The following DNAH3 variants were observed in gnomAD, a reference collection of about 807,000 sequenced individuals.
DNAH3 encodes the protein axonemal beta dynein heavy chain 3.
In DNAH3, 332 loss-of-function variants were observed where a neutral mutation model predicts 432.5. That is an observed-to-expected ratio of 0.77 (90% confidence interval 0.70 to 0.84). The LOEUF (loss-of-function observed/expected upper bound fraction) is 0.84, where lower values mean the gene tolerates loss of function less well. Among genes scored for constraint, DNAH3 ranks in the 40% least tolerant of loss-of-function variants. DNAH3 has a pLI of 0.00. For synonymous variants in DNAH3, 1,956 were observed against 1,900.2 expected (o/e 1.03, Z -0.76); for missense variants, 4,861 against 5,114.0 (o/e 0.95, Z 1.51).
intron 7 of DNAH3, among the ~76,000 whole-genome samples, chr16:21,133,375 A>AG (rs2092597098): frequency 6.8e-6 from 1 of 147,538 alleles, no homozygotes; most frequent in South Asian, 2.2e-4. Flanking sequence ...AAAAAAAAAA[A>AG]AAAAGGAATA....
rs867761174 is a variant in DNAH3, at chr16:20,944,682, G to A, written c.11344-19C>T. 3 of 1,613,526 alleles carry A rather than the reference G, an allele frequency of 1.9e-6. No homozygotes were observed. Among genetic ancestry groups the A allele is most frequent in the African/African-American group, 1.3e-5 (1 of 74,960 alleles). On this transcript the variant is annotated intron_variant, in intron 57 of 61. Coordinates refer to ENST00000261383, the Ensembl canonical transcript of DNAH3. Reference sequence around the variant, plus strand: ...TATAGGACTGGAAGGGAAATCTTCAGTTGAAATCAACGAGGGACCCCAGAA... The same window carrying A: ...TATAGGACTGGAAGGGAAATCTTCAATTGAAATCAACGAGGGACCCCAGAA...
At chr16:21,077,266 G>A (rs2091008336) in intron 20 of DNAH3, among the ~76,000 whole-genome samples, 1 of 152,014 alleles carries the variant, frequency 6.6e-6, no homozygotes, top group Non-Finnish European at 1.5e-5. Flanking sequence ...GGATTCAAGC[G>A]ATTCTCCTGC....
chr16:21,059,775 CAAA>C (rs1180684922), intron 26 of DNAH3, among the ~76,000 whole-genome samples: 4 of 95,410 alleles, frequency 4.2e-5, no homozygotes, highest in Non-Finnish European at 4.4e-5. Flanking sequence ...GACTCCATCT[CAAA>C]AAAAAAAAAA....
In DNAH3 at chr16:20,988,830, G is replaced by C. The variant is rs191658718; in HGVS notation, c.6602-765C>G. 4.5e-3 allele frequency among the ~76,000 whole-genome samples: 679 copies of C among 151,978 alleles called. 5 individuals carry two copies. Among genetic ancestry groups the C allele is most frequent in the African/African-American group, 0.015 (614 of 41,444 alleles). ...TCCTTCTGATGTTCGAATGTGTTCG[G>C]AGTTTTTTCCTTCTGGTGGGTTCGT... is the stretch of plus-strand genomic sequence containing the variant. On this transcript the variant is annotated intron_variant, in intron 44 of 61. Coordinates refer to ENST00000261383, the Ensembl canonical transcript of DNAH3.
intron 18 of DNAH3, among the ~76,000 whole-genome samples, chr16:21,095,063 C>T (rs1192786860): frequency 6.6e-6 from 1 of 152,150 alleles, no homozygotes; most frequent in Non-Finnish European, 1.5e-5. Context: ...TGAAAATGGA[C>T]TAATACACTG....
intron 21 of DNAH3, among the ~76,000 whole-genome samples, chr16:21,075,107 C>T (rs2152766877): frequency 6.6e-6 from 1 of 152,302 alleles, no homozygotes; most frequent in Non-Finnish European, 1.5e-5. Context: ...TAGTCATTGT[C>T]TGCCCCTGTG....
chr16:21,153,791 T>G (rs976187591), intron 1 of DNAH3, among the ~76,000 whole-genome samples: 2 of 152,310 alleles, frequency 1.3e-5, no homozygotes, highest in South Asian at 2.1e-4. Context: ...GCTTCATTCT[T>G]GAAGTCAGTG....
At chr16:21,000,030 G>T (rs1380989604) in intron 43 of DNAH3, among the ~76,000 whole-genome samples, 194 bp downstream of exon 43, 2 of 149,084 alleles carry the variant, frequency 1.3e-5, no homozygotes, top group Non-Finnish European at 3.0e-5. Context: ...AGAAGGAAAG[G>T]AGGGAGGGAG....
In DNAH3 at chr16:21,134,250, A is replaced by C; in HGVS notation, c.1082+9T>G. The C allele has an allele frequency of 1.9e-6, 3 of 1,601,230 alleles. No individual in the cohort carries two copies. The highest frequency in any genetic ancestry group is 8.5e-7 in the Non-Finnish European group (1 of 1,174,656). Reference sequence around the variant, plus strand: ...AAGGGAATGAAAAAAAAAGGGAGGGACTTCTTACTCTGCAAACCACAGTTC... The same window carrying C: ...AAGGGAATGAAAAAAAAAGGGAGGGCCTTCTTACTCTGCAAACCACAGTTC... On this transcript the variant is annotated intron_variant, in intron 7 of 61. Transcript: ENST00000261383.
chr16:21,094,964 A>T (rs2091636980), intron 18 of DNAH3, among the ~76,000 whole-genome samples: 1 of 152,126 alleles, frequency 6.6e-6, no homozygotes, highest in South Asian at 2.1e-4. Flanking sequence ...CATGGTTGTG[A>T]GGCCTCCCCA....
At chr16:20,990,350 T>C (rs1036245046) in intron 44 of DNAH3, among the ~76,000 whole-genome samples, 2 of 152,338 alleles carry the variant, frequency 1.3e-5, no homozygotes, top group African/African-American at 4.8e-5. Context: ...TTGTTAGATA[T>C]CTGTATTTAT....
intron 51 of DNAH3, among the ~76,000 whole-genome samples, chr16:20,971,286 G>A (rs2085331550): frequency 6.6e-6 from 1 of 151,980 alleles, no homozygotes; most frequent in Non-Finnish European, 1.5e-5. Flanking sequence ...GGCAAATTAG[G>A]ATCAAACAGA....
At chr16:20,963,803 CGTT>C in exon 53 of DNAH3, 10 of 1,613,968 alleles carry the variant, frequency 6.2e-6, no homozygotes, top group South Asian at 1.1e-5. Flanking sequence ...GAACGGCACA[CGTT>C]GTTGTAGATG....
chr16:21,088,902 G>A (rs1266637482), intron 18 of DNAH3, among the ~76,000 whole-genome samples: 1 of 152,196 alleles, frequency 6.6e-6, no homozygotes, highest in Non-Finnish European at 1.5e-5. Flanking sequence ...AAGAAGCAAT[G>A]TGAGGCCATG....
At chr16:21,120,694 T>A (rs948064180) in intron 11 of DNAH3, 9 of 1,427,440 alleles carry the variant, frequency 6.3e-6, no homozygotes, top group Non-Finnish European at 7.9e-6. Context: ...ACAAACCATG[T>A]CTTCTTGGCA....
chr16:20,998,161 T>G (rs1009950158), intron 43 of DNAH3, among the ~76,000 whole-genome samples: 58 of 152,242 alleles, frequency 3.8e-4, no homozygotes, highest in African/African-American at 1.3e-3. Context: ...TCCCAGCAAA[T>G]AGAGTATTTA....
At chr16:21,151,570 C>T (rs1386199053) in intron 1 of DNAH3, among the ~76,000 whole-genome samples, 1 of 152,086 alleles carries the variant, frequency 6.6e-6, no homozygotes, top group Non-Finnish European at 1.5e-5. Flanking sequence ...TGTGGGATTA[C>T]AGGTGTGAGC....
chr16:20,987,898 A>C (rs1250206234), intron 45 of DNAH3, 44 bp downstream of exon 45: 3 of 1,614,040 alleles, frequency 1.9e-6, no homozygotes, highest in East Asian at 4.5e-5. Context: ...CCAGAAACTG[A>C]GAACCCCCAG....
chr16:21,063,627 T>TGACCTCCAGGGCTCAAGCAATTCTCC (rs1305632814), intron 24 of DNAH3, among the ~76,000 whole-genome samples: 10 of 151,864 alleles, frequency 6.6e-5, no homozygotes, highest in Admixed American at 1.3e-4. Context: ...ACTACAGCCT[T>TGACCTCCAGGGCTCAAGCAATTCTCC]GACCTCCAGG....
Sources: allele counts gnomAD v4.1 joint callset (sites outside exome capture counted in the v4.1 genomes callset), GRCh38; gene constraint gnomAD v4.1.1; transcripts MANE v1.5; gene names NCBI Gene and HGNC (gene_info 2026-07-23, HGNC 2026-07-21).